PHC3: variants seen among roughly 807,000 people sequenced by gnomAD.
PHC3 encodes the protein polyhomeotic homolog 3.
PHC3 carries 13 observed loss-of-function variants against 107.4 expected under a neutral mutation model. That is an observed-to-expected ratio of 0.12 (90% CI 0.08 to 0.19). The LOEUF (loss-of-function observed/expected upper bound fraction) is 0.19. Among genes scored for constraint, PHC3 ranks in the 10% least tolerant of loss-of-function variants. The probability of loss-of-function intolerance (pLI) is 1.00; values close to 1 mark genes in which losing one functional copy is unlikely to be tolerated. For missense variants in PHC3, 992 were observed against 1,210.9 expected, an observed-to-expected ratio of 0.82 and a Z score of 2.68; for synonymous variants, 456 against 427.4, an observed-to-expected ratio of 1.07 and a Z score of -0.83.
chr3:170,128,900 C>G lies in PHC3; in HGVS notation c.1572G>C (p.Gln524His), dbSNP rs1450153524. The G allele has an allele frequency of 1.2e-6, 2 of 1,614,034 alleles. No individual in the cohort carries two copies. Among genetic ancestry groups the G allele is most frequent in the Non-Finnish European group, 8.5e-7 (1 of 1,179,898 alleles). ...TAGACTGCAAGGGCAGTGGTGGAAT[C>G]TGAGCTGGAGGAGATGTCGACATCT... ...PPQMSTSPPA[Q>H]IPPLPLQSMQ... is the part of the protein sequence containing the mutation. Residue 524 changes from glutamine (Q) to histidine (H), a missense_variant, in exon 8 of 15, where the codon CAG becomes CAC. This residue lies in a region of PHC3 where 543 missense variants were observed against 590.8 expected (regional missense o/e 0.92). Coordinates refer to ENST00000495893, the MANE Select transcript of PHC3 (RefSeq NM_024947.4).
At chr3:170,109,106 C>T (rs894644372) in intron 11 of PHC3, among the ~76,000 whole-genome samples, 6 of 152,188 alleles carry the variant, frequency 3.9e-5, no homozygotes, top group African/African-American at 1.4e-4. Context: ...CACTCTTTTA[C>T]ATTTATGAAT....
At position 170,102,639 on chromosome 3, in the gene PHC3, T is replaced by C; in HGVS notation, c.2673A>G (p.Thr891=). 6.2e-7 allele frequency: 1 copy of C among 1,613,998 alleles called. No individual in the cohort carries two copies. The highest frequency in any genetic ancestry group is 8.5e-7 in the Non-Finnish European group (1 of 1,179,872). ...GCTCGCTCTGCCTGCGCAGACGAGT[T>C]GTCATAGCAGATGGCACAGAATCTT... ...SHEDSVPSAM[T]TRLRRQSERE... Residue 891 remains threonine (T), a synonymous_variant, in exon 14 of 15, where the codon ACA becomes ACG. Transcript: ENST00000495893.
intron 14 of PHC3, among the ~76,000 whole-genome samples, chr3:170,100,306 T>A (rs1715271845): frequency 6.6e-6 from 1 of 151,974 alleles, no homozygotes; most frequent in Admixed American, 6.6e-5. Flanking sequence ...TAATGAGAGC[T>A]AAAAGAAGCT....
intron 10 of PHC3, among the ~76,000 whole-genome samples, chr3:170,114,573 C>T (rs1020052035): frequency 3.3e-5 from 5 of 152,132 alleles, no homozygotes; most frequent in Non-Finnish European, 7.4e-5. Flanking sequence ...CCACTATAAT[C>T]ACAAAAGAAA....
chr3:170,175,624 A>G (rs1315413640), intron 2 of PHC3, among the ~76,000 whole-genome samples: 1 of 141,568 alleles, frequency 7.1e-6, no homozygotes, highest in Non-Finnish European at 1.6e-5. Context: ...GGGAGAGAAG[A>G]AAAAAAAAAA....
chr3:170,144,716 ATTTCTGTAATGATTAATCTC>A (rs1724674487), intron 6 of PHC3, among the ~76,000 whole-genome samples: 2 of 152,034 alleles, frequency 1.3e-5, no homozygotes, highest in Non-Finnish European at 2.9e-5. Context: ...TTTGATTTGC[ATTTCTGTAATGATTAATCTC>A]ACTGTGTCAC....
chr3:170,111,325 CGAACGAAA>C (rs1560033501), intron 11 of PHC3, among the ~76,000 whole-genome samples: 1 of 99,630 alleles, frequency 1.0e-5, no homozygotes, highest in Non-Finnish European at 2.0e-5. Flanking sequence ...AAGGAACGAA[CGAACGAAA>C]GAACAAAAGA....
intron 6 of PHC3, among the ~76,000 whole-genome samples, chr3:170,137,971 G>T (rs752823946): frequency 6.6e-6 from 1 of 152,176 alleles, no homozygotes; most frequent in Non-Finnish European, 1.5e-5. Flanking sequence ...GGAGGCCGAG[G>T]TGGGTGGATC....
chr3:170,114,136 A>G (rs1038648797), intron 10 of PHC3, among the ~76,000 whole-genome samples: 1 of 152,094 alleles, frequency 6.6e-6, no homozygotes, highest in Non-Finnish European at 1.5e-5. Context: ...CGGCCTCCCA[A>G]GTAGCTGGGA....
intron 4 of PHC3, among the ~76,000 whole-genome samples, chr3:170,165,254 A>G (rs1728534139): frequency 6.6e-6 from 1 of 152,188 alleles, no homozygotes; most frequent in Non-Finnish European, 1.5e-5. Flanking sequence ...TTGCACCCTC[A>G]TATTGCATTA....
intron 9 of PHC3, among the ~76,000 whole-genome samples, chr3:170,119,600 A>G (rs1219106833): frequency 6.6e-6 from 1 of 152,202 alleles, no homozygotes; most frequent in Non-Finnish European, 1.5e-5. Flanking sequence ...TACGCCCTCT[A>G]GATTTAAGAG....
chr3:170,105,620 T>A (rs1716351937), intron 12 of PHC3, among the ~76,000 whole-genome samples: 1 of 152,224 alleles, frequency 6.6e-6, no homozygotes, highest in African/African-American at 2.4e-5. Flanking sequence ...ACTTGGGATA[T>A]CCACATCTTA....
Position 170,119,264 on chromosome 3 carries a change from G to A in PHC3, c.1943-1788C>T, listed in dbSNP as rs563948587. Among the ~76,000 whole-genome samples the A allele has an allele frequency of 1.5e-4, 23 of 152,062 alleles. No individual in the cohort carries two copies. In the South Asian group the frequency reaches 2.1e-3, roughly 14 times the overall value. On this transcript the variant is annotated intron_variant, in intron 9 of 14. Transcript: ENST00000495893. ...ACTGAAAGGCACTTTTCTATAGAAT[G>A]GAAAAAATAAATCTATGGAGAACTG...
chr3:170,163,581 C>T (rs1329692605), intron 4 of PHC3, among the ~76,000 whole-genome samples: 8 of 151,530 alleles, frequency 5.3e-5, no homozygotes, highest in Non-Finnish European at 1.0e-4. Flanking sequence ...ATGCATAGTC[C>T]GCCGGGCACG....
chr3:170,157,434 T>C (rs1727067344), intron 4 of PHC3, among the ~76,000 whole-genome samples: 3 of 152,232 alleles, frequency 2.0e-5, no homozygotes, highest in African/African-American at 7.2e-5. Context: ...TTCTGTACTG[T>C]TGGAATATTT....
intron 4 of PHC3, among the ~76,000 whole-genome samples, chr3:170,164,555 G>A (rs1226808975): frequency 1.3e-5 from 2 of 151,934 alleles, no homozygotes; most frequent in Admixed American, 6.6e-5. Context: ...TATTCCTCCT[G>A]CCAAGAACAA....
rs536073895 is a variant in PHC3, at chr3:170,155,124, A to G, written c.415-5880T>C. On this transcript the variant is annotated intron_variant, in intron 4 of 14. Transcript: ENST00000495893. Reference sequence around the variant, plus strand: ...CCAGAAAGAAACAAGTCTGCCAGAAAAAGCCACTTAACTCCCAACTACCTG... The same window carrying G: ...CCAGAAAGAAACAAGTCTGCCAGAAGAAGCCACTTAACTCCCAACTACCTG... Among the ~76,000 whole-genome samples the G allele has an allele frequency of 3.4e-3, 522 of 152,340 alleles. 4 individuals are homozygous for G. The highest frequency in any genetic ancestry group is 5.1e-3 in the Non-Finnish European group (350 of 68,036).
At chr3:170,117,161 T>C (rs1310162719) in intron 10 of PHC3, 65 bp downstream of exon 10, 4 of 1,582,102 alleles carry the variant, frequency 2.5e-6, no homozygotes, top group African/African-American at 1.4e-5. Context: ...AGAACAGTAA[T>C]ATGTAACTTT....
At chr3:170,155,859 T>C (rs1050865033) in intron 4 of PHC3, among the ~76,000 whole-genome samples, 1 of 152,070 alleles carries the variant, frequency 6.6e-6, no homozygotes, top group South Asian at 2.1e-4. Context: ...GTCACCAAAA[T>C]GTTAAAGGTG....
Sources: allele counts gnomAD v4.1 joint callset (sites outside exome capture counted in the v4.1 genomes callset), GRCh38; gene constraint gnomAD v4.1.1; regional missense constraint gnomAD v4.1.1; transcripts MANE v1.5; gene names NCBI Gene and HGNC (gene_info 2026-07-23, HGNC 2026-07-21).